The following DNAAF3 variants were observed in gnomAD, a reference collection of about 807,000 sequenced individuals.
DNAAF3 encodes the protein dynein axonemal assembly factor 3, also known as UPF0470 protein C19orf51.
In DNAAF3, 40 loss-of-function variants were observed where a neutral mutation model predicts 50.9. The observed-to-expected ratio is 0.79, with a 90% CI of 0.61 to 1.02. The LOEUF is 1.02. Among genes scored for constraint, DNAAF3 ranks in the 50% least tolerant of loss-of-function variants. The probability of loss-of-function intolerance (pLI) is 0.00; values close to 1 mark genes in which losing one functional copy is unlikely to be tolerated. For missense variants in DNAAF3, 763 were observed against 744.7 expected (o/e 1.02, Z -0.29); for synonymous variants, 327 against 322.8 (o/e 1.01, Z -0.14).
chr19:55,163,071 G>A (rs1322055714), intron 4 of DNAAF3, among the ~76,000 whole-genome samples: 10 of 135,864 alleles, frequency 7.4e-5, no homozygotes, highest in Non-Finnish European at 1.2e-4. Context: ...GTGCAGTGGC[G>A]CGATCCCGGC....
At position 55,160,844 on chromosome 19, in the gene DNAAF3, G is replaced by A; in HGVS notation, c.913-69C>T. The A allele has an allele frequency of 1.3e-6, 2 of 1,557,284 alleles. No homozygotes were observed. The highest frequency in any genetic ancestry group is 1.1e-5 in the South Asian group (1 of 87,742). ...CGGGGCGGGGCTTAGAACGCTGGGA[G>A]TCCTCGGTCCAGGACTAGAACTCCC... On this transcript the variant is annotated intron_variant, in intron 8 of 11. Coordinates refer to ENST00000524407, the MANE Select transcript of DNAAF3 (RefSeq NM_001256715.2). This position sits in a 1 kb window ranked among gnomAD's most constrained non-coding sequence, Gnocchi z 4.7.
intron 4 of DNAAF3, 154 bp from the exon 5 acceptor site, chr19:55,162,444 G>A (rs1599924067): frequency 8.2e-6 from 8 of 973,402 alleles, no homozygotes; most frequent in African/African-American, 1.7e-5. Context: ...GAACAGGGCC[G>A]GACATGGTGG....
At position 55,166,213 on chromosome 19, in the gene DNAAF3, G is replaced by A; in HGVS notation, c.85+116C>T. The A allele has an allele frequency of 6.5e-7, 1 of 1,547,414 alleles. No homozygotes were observed. The highest frequency in any genetic ancestry group is 8.7e-7 in the Non-Finnish European group (1 of 1,145,962). On this transcript the variant is annotated intron_variant, in intron 2 of 11. Transcript: ENST00000524407. This position sits in a 1 kb window ranked among gnomAD's most constrained non-coding sequence, Gnocchi z 4.0. The stretch of plus-strand genomic sequence containing the variant: ...GGAGCGCGCCCTCTGCCGCTGGAGC[G>A]TTGGAGAACGTTAGCGCCCCCCTTG...
At position 55,166,301 on chromosome 19, in the gene DNAAF3, G is replaced by A. The variant is rs1189648367; in HGVS notation, c.85+28C>T. 1.2e-6 allele frequency: 2 copies of A among 1,610,624 alleles called. No homozygotes were observed. Among genetic ancestry groups the A allele is most frequent in the African/African-American group, 2.7e-5 (2 of 74,868 alleles). Reference sequence around the variant, plus strand: ...TGCTCAGGCTGGGAAGGCAGACGGTGTATCAGACCTTGCGTGCTGGGACTC... The same window carrying A: ...TGCTCAGGCTGGGAAGGCAGACGGTATATCAGACCTTGCGTGCTGGGACTC... On this transcript the variant is annotated intron_variant, in intron 2 of 11. Coordinates refer to ENST00000524407, the MANE Select transcript of DNAAF3 (RefSeq NM_001256715.2). The surrounding 1 kb of genome is among the most constrained non-coding windows in gnomAD (Gnocchi z 4.0).
At position 55,161,681 on chromosome 19, in the gene DNAAF3, T is replaced by C; in HGVS notation, c.625A>G (p.Ser209Gly). The C allele has an allele frequency of 1.3e-6, 2 of 1,540,026 alleles. No homozygotes were observed. Among genetic ancestry groups the C allele is most frequent in the Non-Finnish European group, 1.7e-6 (2 of 1,146,400 alleles). Residue 209 changes from serine to glycine, a missense_variant, in exon 6 of 12, where the codon AGC (serine) becomes GGC (glycine). Ser to Gly is a moderately conservative substitution (Grantham distance 56). Coordinates refer to ENST00000524407, the MANE Select transcript of DNAAF3 (RefSeq NM_001256715.2). The surrounding 1 kb of genome is among the most constrained non-coding windows in gnomAD (Gnocchi z 6.4). ...GSRYDARRGV[S>G]DWDLRMKLHD... ...AGCTTCATGCGCAGGTCCCAGTCGC[T>C]GACACCGCGCCGGGCGTCGTAGCGG...
chr19:55,162,093 C>T, intron 5 of DNAAF3, 40 bp downstream of exon 5: 3 of 1,239,942 alleles, frequency 2.4e-6, no homozygotes, highest in Non-Finnish European at 3.0e-6. Context: ...CCATTATTCC[C>T]GCGGCCACCC....
upstream of DNAAF3, chr19:55,166,651 G>T (rs766713385): frequency 1.2e-6 from 2 of 1,612,612 alleles, no homozygotes; most frequent in Non-Finnish European, 8.5e-7. The surrounding 1 kb of genome is among the most constrained non-coding windows in gnomAD (Gnocchi z 4.0). Context: ...GGAAGCATGT[G>T]GGATGGGACC....
Position 55,166,318 on chromosome 19 carries a change from C to G in DNAAF3, c.85+11G>C, listed in dbSNP as rs770053430. 1.2e-6 allele frequency: 2 copies of G among 1,612,856 alleles called. No individual in the cohort carries two copies. Among genetic ancestry groups the G allele is most frequent in the South Asian group, 2.2e-5 (2 of 91,016 alleles). Reference sequence around the variant, plus strand: ...CAGACGGTGTATCAGACCTTGCGTGCTGGGACTCACTTTCAGCCTGCAGGT... The same window carrying G: ...CAGACGGTGTATCAGACCTTGCGTGGTGGGACTCACTTTCAGCCTGCAGGT... On this transcript the variant is annotated intron_variant, in intron 2 of 11. Coordinates refer to ENST00000524407, the MANE Select transcript of DNAAF3 (RefSeq NM_001256715.2). The surrounding 1 kb of genome is among the most constrained non-coding windows in gnomAD (Gnocchi z 4.0).
At chr19:55,165,600 G>T in intron 3 of DNAAF3, 137 bp from the exon 4 acceptor site, 1 of 971,756 alleles carries the variant, frequency 1.0e-6, no homozygotes, top group Non-Finnish European at 1.5e-6. Flanking sequence ...AAACACAGAA[G>T]TCTGTGTCCC....
In DNAAF3 at chr19:55,161,688, G is replaced by A. The variant is rs1194364356; in HGVS notation, c.618C>T (p.Arg206=). Residue 206 remains arginine, a synonymous_variant, in exon 6 of 12, where the codon CGC becomes CGT. Transcript: ENST00000524407. The surrounding 1 kb of genome is among the most constrained non-coding windows in gnomAD (Gnocchi z 6.4). The part of the protein sequence containing the change: ...HYLGSRYDAR[R]GVSDWDLRMK... ...TGCGCAGGTCCCAGTCGCTGACACC[G>A]CGCCGGGCGTCGTAGCGGGAGCCCA... 1.3e-6 allele frequency: 2 copies of A among 1,540,434 alleles called. No homozygotes were observed. The highest frequency in any genetic ancestry group is 2.3e-4 in the Middle Eastern group (1 of 4,384).
At chr19:55,165,560 C>A in intron 3 of DNAAF3, 97 bp from the exon 4 acceptor site, 1 of 1,229,236 alleles carries the variant, frequency 8.1e-7, no homozygotes, top group Non-Finnish European at 1.2e-6. Flanking sequence ...CTTCCACACA[C>A]CCGAGTTCTG....
chr19:55,166,160 C>A lies in DNAAF3; in HGVS notation c.86-160G>T. The A allele has an allele frequency of 1.3e-6, 2 of 1,551,374 alleles. No homozygotes were observed. Among genetic ancestry groups the A allele is most frequent in the South Asian group, 2.4e-5 (2 of 84,560 alleles). ...TCTGAGTATTCTGGGATTCGCAGTC[C>A]GCAGACAGGACCTCGGGGCTGCCCC... On this transcript the variant is annotated intron_variant, in intron 2 of 11. Transcript: ENST00000524407. The surrounding 1 kb of genome is among the most constrained non-coding windows in gnomAD (Gnocchi z 4.0).
rs551100219 is a variant in DNAAF3 at position 55,162,250 on chromosome 19, C to T, written c.363G>A (p.Leu121=). 2.2e-5 allele frequency: 28 copies of T among 1,249,434 alleles called. No individual in the cohort carries two copies. The highest frequency in any genetic ancestry group is 2.2e-4 in the Middle Eastern group (1 of 4,574). The allele number at this position is 1,249,434 out of a possible 1,614,324, so 77.4% of individuals were successfully genotyped here. The stretch of plus-strand genomic sequence containing the variant: ...CGAAGGCGGCCACTGGCGGGCGCAG[C>T]AGCGCGTTCCCCCACACTTCCAGGA... ...ETFLEVWGNA[L]LRPPVAAFVR... The change falls in exon 5 of 12, where the codon CTG becomes CTA. Residue 121 remains leucine (L), a synonymous_variant. Coordinates refer to ENST00000524407, the MANE Select transcript of DNAAF3 (RefSeq NM_001256715.2).
rs1451975295 is a variant in DNAAF3, at chr19:55,166,090, G to C, written c.86-90C>G. ...TATAAAAAATGGACTACAAATCCCAGTAGGCGTTCCGCCCGTGGCCTAGGT... is the reference window on the plus strand; with the variant it reads ...TATAAAAAATGGACTACAAATCCCACTAGGCGTTCCGCCCGTGGCCTAGGT... On this transcript the variant is annotated intron_variant, in intron 2 of 11. Coordinates refer to ENST00000524407, the MANE Select transcript of DNAAF3 (RefSeq NM_001256715.2). The surrounding 1 kb of genome is among the most constrained non-coding windows in gnomAD (Gnocchi z 4.0). The C allele has an allele frequency of 6.2e-7, 1 of 1,604,800 alleles. No individual in the cohort carries two copies. Among genetic ancestry groups the C allele is most frequent in the Non-Finnish European group, 8.5e-7 (1 of 1,175,698 alleles).
rs187169583 is a variant in DNAAF3 at position 55,164,670 on chromosome 19, G to A, written c.322+700C>T. Among the ~76,000 whole-genome samples, 838 of 151,616 alleles carry A rather than the reference G, an allele frequency of 5.5e-3. 5 individuals are homozygous for A. Among genetic ancestry groups the A allele is most frequent in the Non-Finnish European group, 7.7e-3 (520 of 67,876 alleles). On this transcript the variant is annotated intron_variant, in intron 4 of 11. Transcript: ENST00000524407. ...CTCCCGAGTAGCTGGGACTACAGGC[G>A]CCTGCCACCACACCCGGCTAATTGT...
rs760790026 is a variant in DNAAF3 at position 55,166,590 on chromosome 19, A to C, written c.-72T>G. ...CAGTGCAGCACTGTGGACCCGCGGC[A>C]CTCCACAACCGCTGCCCAGAGTCCC... On this transcript the variant is annotated 5_prime_UTR_variant, in exon 1 of 12. Coordinates refer to ENST00000524407, the MANE Select transcript of DNAAF3 (RefSeq NM_001256715.2). This position sits in a 1 kb window ranked among gnomAD's most constrained non-coding sequence, Gnocchi z 4.0. 144 of 1,613,746 alleles carry C rather than the reference A, an allele frequency of 8.9e-5. No individual in the cohort carries two copies. The highest frequency in any genetic ancestry group is 1.2e-4 in the Non-Finnish European group (143 of 1,179,964).
chr19:55,165,889 C>A lies in DNAAF3; in HGVS notation c.197G>T (p.Arg66Leu). Residue 66 changes from arginine (R) to leucine (L), a missense_variant, in exon 3 of 12, where the codon CGA (arginine) becomes CTA (leucine). Transcript: ENST00000524407. The stretch of plus-strand genomic sequence containing the variant: ...CCTCCTGCGAGGCCAGAACTTCGCT[C>A]GGGACAGGGTCCGCAGCAGGTGCCG... The part of the protein sequence containing the change: ...DGRHLLRTLS[R>L]AKFWPRRRFN... 6.2e-7 allele frequency: 1 copy of A among 1,614,172 alleles called. No individual in the cohort carries two copies. Among genetic ancestry groups the A allele is most frequent in the Non-Finnish European group, 8.5e-7 (1 of 1,180,036 alleles).
rs1332908231 is a variant in DNAAF3 at position 55,159,055 on chromosome 19, G to T, written c.*7C>A. On this transcript the variant is annotated 3_prime_UTR_variant, in exon 12 of 12. Transcript: ENST00000524407. ...AAGTTGGAGATAAGGGGTGTCTAGG[G>T]GTTGGGTCAGACTCCAGTTTTGGAG... The T allele has an allele frequency of 5.1e-6, 8 of 1,574,928 alleles. No individual in the cohort carries two copies. Among genetic ancestry groups the T allele is most frequent in the Middle Eastern group, 1.7e-4 (1 of 5,794 alleles).
intron 4 of DNAAF3, 98 bp downstream of exon 4, chr19:55,165,272 A>G (rs2085918959): frequency 8.1e-7 from 1 of 1,242,082 alleles, no homozygotes; most frequent in Non-Finnish European, 1.2e-6. Flanking sequence ...CTCCCAGGAA[A>G]ATAACCAAAC....
Sources: gnomAD v4.1 joint callset for allele counts (sites outside exome capture counted in the v4.1 genomes callset) on GRCh38, gnomAD v4.1.1 for gene constraint, Gnocchi (gnomAD v3.1) non-coding constraint, MANE v1.5 for transcripts, NCBI Gene and HGNC (gene_info 2026-07-23, HGNC 2026-07-21) for gene names.